ARID1A: variants seen among roughly 807,000 people sequenced by gnomAD.
The protein encoded by ARID1A is AT-rich interaction domain 1A, also known as AT-rich interactive domain-containing protein 1A.
Under a neutral mutation model 212.6 loss-of-function variants are expected in ARID1A, and 20 were observed. The ratio of observed to expected loss-of-function variants is 0.09; its 90% CI spans 0.07 to 0.14. The LOEUF is 0.14. Among genes scored for constraint, ARID1A ranks in the 10% least tolerant of loss-of-function variants. The pLI is 1.00. For missense variants in ARID1A, 2,587 were observed against 3,059.0 expected (o/e 0.85, Z 3.64); for synonymous variants, 1,376 against 1,222.1 (o/e 1.13, Z -2.63).
rs1183399972 is a variant in ARID1A, at chr1:26,755,240, T to TA, written c.1921-5616_1921-5615insA. The stretch of plus-strand genomic sequence containing the variant: ...AATGGTAGCTGTAGTTAATCGTAAA[T>TA]GATTTACCCCTTTCTATGCTAACAT... On this transcript the variant is annotated intron_variant, in intron 4 of 19. Coordinates refer to ENST00000324856, the MANE Select transcript of ARID1A (RefSeq NM_006015.6). 2.6e-5 allele frequency among the ~76,000 whole-genome samples: 4 copies of TA among 152,364 alleles called. 1 individual carries two copies. Among genetic ancestry groups the TA allele is most frequent in the African/African-American group, 9.6e-5 (4 of 41,588 alleles).
intron 1 of ARID1A, among the ~76,000 whole-genome samples, chr1:26,728,373 C>T (rs2080638937): frequency 6.6e-6 from 1 of 152,140 alleles, no homozygotes. Flanking sequence ...AAAACAAACA[C>T]GTACAGAGAA....
At chr1:26,741,910 T>C (rs2080791830) in intron 4 of ARID1A, among the ~76,000 whole-genome samples, 1 of 152,250 alleles carries the variant, frequency 6.6e-6, no homozygotes, top group African/African-American at 2.4e-5. Flanking sequence ...GGAGCTATGC[T>C]GTCCCTGTAG....
At position 26,771,051 on chromosome 1, in the gene ARID1A, G is replaced by A; in HGVS notation, c.3199-68G>A. On this transcript the variant is annotated intron_variant, in intron 11 of 19. Coordinates refer to ENST00000324856, the MANE Select transcript of ARID1A (RefSeq NM_006015.6). The surrounding 1 kb of genome is among the most constrained non-coding windows in gnomAD (Gnocchi z 5.4). ...GATGAATACCTTACAGCCTGATGGG[G>A]CTTGGGGCTTATGGGCAGGAAAACC... 1.4e-6 allele frequency: 2 copies of A among 1,423,144 alleles called. No individual in the cohort carries two copies. Among genetic ancestry groups the A allele is most frequent in the Non-Finnish European group, 2.0e-6 (2 of 1,008,714 alleles). 88.2% of individuals were successfully genotyped at this position (1,423,144 alleles called of 1,614,324 possible).
chr1:26,720,643 T>G (rs988336882), intron 1 of ARID1A, among the ~76,000 whole-genome samples: 1 of 152,086 alleles, frequency 6.6e-6, no homozygotes, highest in Non-Finnish European at 1.5e-5. Flanking sequence ...TTTGGGAGGC[T>G]GAAGCTGGCA....
chr1:26,776,363 T>C (rs927304767), intron 19 of ARID1A, among the ~76,000 whole-genome samples: 1 of 151,184 alleles, frequency 6.6e-6, no homozygotes, highest in Middle Eastern at 3.2e-3. Flanking sequence ...AACTTCCGCC[T>C]CCTGGGTACA....
chr1:26,755,407 T>C (rs970424281), intron 4 of ARID1A, among the ~76,000 whole-genome samples: 2 of 152,248 alleles, frequency 1.3e-5, no homozygotes, highest in African/African-American at 4.8e-5. Flanking sequence ...CCTAGTATTT[T>C]TCTATACCCA....
At chr1:26,736,425 C>T (rs1462351828) in intron 4 of ARID1A, among the ~76,000 whole-genome samples, 4 of 151,132 alleles carry the variant, frequency 2.6e-5, no homozygotes, top group East Asian at 1.9e-4. Context: ...GTCAGGAGTT[C>T]GAGACCAGCC....
intron 4 of ARID1A, among the ~76,000 whole-genome samples, chr1:26,744,207 G>A (rs567458043): frequency 3.9e-5 from 6 of 152,306 alleles, no homozygotes; most frequent in African/African-American, 1.2e-4. Flanking sequence ...TAGTCACACT[G>A]TTCCAACCCT....
rs1485078108 is a variant in ARID1A, at chr1:26,697,516, G to A, written c.1113G>A (p.Gly371=). ...GCCCCGGGAGCAGCGGCGGCGGGGG[G>A]CAGCCGCTCGCCCGGACCCCTCAGG... The part of the protein sequence containing the change: ...PMSPGSSGGG[G]QPLARTPQPS... The change falls in exon 1 of 20, where the codon GGG becomes GGA. Residue 371 remains glycine (G), a synonymous_variant. Coordinates refer to ENST00000324856, the MANE Select transcript of ARID1A (RefSeq NM_006015.6). 7 of 1,403,140 alleles carry A rather than the reference G, an allele frequency of 5.0e-6. No individual in the cohort carries two copies. The highest frequency in any genetic ancestry group is 2.6e-4 in the Middle Eastern group (1 of 3,866). 86.9% of individuals were successfully genotyped at this position (1,403,140 alleles called of 1,614,324 possible). A position where few individuals can be genotyped will look rare whatever the true frequency, so the allele number is the denominator to read the frequency against.
At chr1:26,740,473 A>G (rs1264494685) in intron 4 of ARID1A, among the ~76,000 whole-genome samples, 1 of 152,208 alleles carries the variant, frequency 6.6e-6, no homozygotes, top group African/African-American at 2.4e-5. Flanking sequence ...TTAAGTGGTT[A>G]GTTACAAAGG....
In ARID1A at chr1:26,726,404, G is replaced by T. The variant is rs538015091; in HGVS notation, c.1138-3247G>T. On this transcript the variant is annotated intron_variant, in intron 1 of 19. Transcript: ENST00000324856. ...AGGCAGGCTTGTCTCCCAACTCCTGGCCTCAAGTGATCCACCTGCCTTGGC... is the reference window on the plus strand; with the variant it reads ...AGGCAGGCTTGTCTCCCAACTCCTGTCCTCAAGTGATCCACCTGCCTTGGC... Among the ~76,000 whole-genome samples the T allele has an allele frequency of 3.3e-5, 5 of 151,334 alleles. No individual in the cohort carries two copies. The East Asian group carries it at 9.8e-4, about 30-fold the overall frequency.
At chr1:26,745,057 G>T (rs1032723447) in intron 4 of ARID1A, among the ~76,000 whole-genome samples, 1 of 152,150 alleles carries the variant, frequency 6.6e-6, no homozygotes, top group African/African-American at 2.4e-5. Context: ...GAGGATTTCT[G>T]TACTGGACCC....
At chr1:26,703,803 T>A (rs1373066742) in intron 1 of ARID1A, among the ~76,000 whole-genome samples, 3 of 152,164 alleles carry the variant, frequency 2.0e-5, no homozygotes, top group Non-Finnish European at 4.4e-5. Flanking sequence ...AGGAAGAGAT[T>A]TAAAAGGTAG....
intron 6 of ARID1A, among the ~76,000 whole-genome samples, 164 bp from the exon 7 acceptor site, chr1:26,761,988 T>A (rs893146974): frequency 6.6e-6 from 1 of 152,226 alleles, no homozygotes; most frequent in African/African-American, 2.4e-5. Flanking sequence ...CATGTCACTC[T>A]GAAGGTGCCT....
chr1:26,744,125 C>T (rs1205612806), intron 4 of ARID1A, among the ~76,000 whole-genome samples: 2 of 152,196 alleles, frequency 1.3e-5, no homozygotes. Context: ...AGCATGTACC[C>T]TGTGCATGTA....
In ARID1A at chr1:26,696,534, C is replaced by G; in HGVS notation, c.131C>G (p.Ala44Gly). Reference sequence around the variant, plus strand: ...GGGGGCGAGGCGGCGGCGGCGGCAGCGGCCGAGCGCGGGGAAATGAAGGCA... The same window carrying G: ...GGGGGCGAGGCGGCGGCGGCGGCAGGGGCCGAGCGCGGGGAAATGAAGGCA... ...EAGGEAAAAA[A>G]AERGEMKAAA... is the part of the protein sequence containing the mutation. Residue 44 changes from alanine (A) to glycine (G), a missense_variant, in exon 1 of 20, where the codon GCG becomes GGG. Coordinates refer to ENST00000324856, the MANE Select transcript of ARID1A (RefSeq NM_006015.6). 1.6e-6 allele frequency: 2 copies of G among 1,227,404 alleles called. No homozygotes were observed. The highest frequency in any genetic ancestry group is 2.0e-6 in the Non-Finnish European group (2 of 987,412). 76.0% of individuals were successfully genotyped at this position (1,227,404 alleles called of 1,614,324 possible). A position where few individuals can be genotyped will look rare whatever the true frequency, so the allele number is the denominator to read the frequency against.
chr1:26,748,435 G>C (rs1041550387), intron 4 of ARID1A, among the ~76,000 whole-genome samples: 9 of 151,948 alleles, frequency 5.9e-5, no homozygotes, highest in Non-Finnish European at 7.4e-5. Flanking sequence ...ACTCTGTTTG[G>C]TTGACCTTCC....
intron 8 of ARID1A, among the ~76,000 whole-genome samples, chr1:26,763,840 T>C (rs181184924): frequency 2.0e-5 from 3 of 152,268 alleles, no homozygotes; most frequent in Admixed American, 1.3e-4. Flanking sequence ...CCAGGCTGAA[T>C]TGCAGTGGCA....
At position 26,779,288 on chromosome 1, in the gene ARID1A, C is replaced by T. The variant is rs2124138843; in HGVS notation, c.5390C>T (p.Ala1797Val). The change falls in exon 20 of 20, where the codon GCT (alanine) becomes GTT (valine). Residue 1797 changes from alanine (A) to valine (V), a missense_variant. Transcript: ENST00000324856. Reference protein sequence around the residue: ...EIAFSGKDKPASENSEEKLIS... With the variant: ...EIAFSGKDKPVSENSEEKLIS... ...GCCTTTTCAGGCAAGGACAAGCCAG[C>T]TTCAGAGAATAGTGAGGAGAAGCTG... The T allele has an allele frequency of 6.2e-7, 1 of 1,614,268 alleles. No individual in the cohort carries two copies. The highest frequency in any genetic ancestry group is 1.1e-5 in the South Asian group (1 of 91,086).
Sources: gnomAD v4.1 joint callset for allele counts (sites outside exome capture counted in the v4.1 genomes callset) on GRCh38, gnomAD v4.1.1 for gene constraint, Gnocchi (gnomAD v3.1) non-coding constraint, MANE v1.5 for transcripts, NCBI Gene and HGNC (gene_info 2026-07-23, HGNC 2026-07-21) for gene names.